The following TSHZ2 variants were observed in gnomAD, a reference collection of about 807,000 sequenced individuals.
TSHZ2 encodes the protein teashirt zinc finger homeobox 2, also known as teashirt homolog 2.
Under a neutral mutation model 74.4 loss-of-function variants are expected in TSHZ2, and 21 were observed. That is an observed-to-expected ratio of 0.28 (90% CI 0.20 to 0.41). The LOEUF (loss-of-function observed/expected upper bound fraction) is 0.41. Among genes scored for constraint, TSHZ2 ranks in the 10% least tolerant of loss-of-function variants. The pLI, the probability that TSHZ2 is intolerant of heterozygous loss-of-function variation, is 1.00. For synonymous variants in TSHZ2, 540 were observed against 515.3 expected (o/e 1.05, Z -0.65); for missense variants, 1,244 against 1,293.5 (o/e 0.96, Z 0.59).
At position 53,254,992 on chromosome 20, in the gene TSHZ2, G is replaced by A. The variant is rs769107602; in HGVS notation, c.1534G>A (p.Gly512Ser). ...REEDLEDGSK[G>S]GGDILKSLEN... ...GGAAGACTTGGAAGATGGCTCAAAG[G>A]GTGGAGGGGACATTTTGAAATCTTT... Residue 512 changes from glycine (G) to serine (S), a missense_variant, in exon 2 of 3, where the codon GGT (glycine) becomes AGT (serine). Around this residue, in one of 6 missense-constraint regions of TSHZ2, gnomAD observed 562 missense variants for 544.0 expected, o/e 1.03. Transcript: ENST00000371497. 5.6e-6 allele frequency: 9 copies of A among 1,614,010 alleles called. No homozygotes were observed. In the African/African-American group the frequency reaches 1.2e-4, roughly 22 times the overall value.
Position 53,256,471 on chromosome 20 carries a change from A to G in TSHZ2, c.3013A>G (p.Ser1005Gly), listed in dbSNP as rs373758284. Residue 1005 changes from serine (S) to glycine (G), a missense_variant, in exon 2 of 3, where the codon AGC (serine) becomes GGC (glycine). Transcript: ENST00000371497. The surrounding 1 kb of genome is among the most constrained non-coding windows in gnomAD (Gnocchi z 4.3). ...KCKLCCRTFV[S>G]KHAVKLHLSK... ...TAAGTTGTGCTGTCGGACATTTGTG[A>G]GCAAACATGCGGTAAAACTCCACCT... 2 of 1,614,006 alleles carry G rather than the reference A, an allele frequency of 1.2e-6. No homozygotes were observed. Among genetic ancestry groups the G allele is most frequent in the Non-Finnish European group, 1.7e-6 (2 of 1,179,948 alleles).
At chr20:53,182,371 C>T (rs1300753574) in intron 1 of TSHZ2, among the ~76,000 whole-genome samples, 1 of 152,086 alleles carries the variant, frequency 6.6e-6, no homozygotes, top group East Asian at 1.9e-4. Context: ...GTCATTCATT[C>T]ATTTGTTCAT....
chr20:53,446,138 G>A (rs1984533666), intron 2 of TSHZ2, among the ~76,000 whole-genome samples: 1 of 152,176 alleles, frequency 6.6e-6, no homozygotes, highest in Non-Finnish European at 1.5e-5. Context: ...CCAAGCAGAT[G>A]TGATGCAGGC....
At chr20:53,245,469 A>C (rs746591622) in intron 1 of TSHZ2, among the ~76,000 whole-genome samples, 14 of 152,224 alleles carry the variant, frequency 9.2e-5, no homozygotes, top group Admixed American at 1.3e-4. Flanking sequence ...GAAAGTCCTC[A>C]AAGTTGTATG....
intron 2 of TSHZ2, among the ~76,000 whole-genome samples, chr20:53,266,617 A>G (rs1419547968): frequency 6.6e-6 from 1 of 152,148 alleles, no homozygotes; most frequent in Admixed American, 6.5e-5. Context: ...GGCTATAATA[A>G]TAGTTAATTG....
In TSHZ2 at chr20:53,096,119, C is replaced by G. The variant is rs184164613; in HGVS notation, c.40+122786C>G. 2.7e-3 allele frequency among the ~76,000 whole-genome samples: 413 copies of G among 152,192 alleles called. 3 individuals are homozygous for G. Among genetic ancestry groups the G allele is most frequent in the Admixed American group, 3.9e-3 (60 of 15,282 alleles). On this transcript the variant is annotated intron_variant, in intron 1 of 2. Transcript: ENST00000371497. ...GGTCTCCCTCCTGTTAACACTAACACCTCTGTGTTTTTTGTTTGTCTGTTT... is the reference window on the plus strand; with the variant it reads ...GGTCTCCCTCCTGTTAACACTAACAGCTCTGTGTTTTTTGTTTGTCTGTTT...
intron 2 of TSHZ2, among the ~76,000 whole-genome samples, chr20:53,411,596 AAT>A (rs1983057123): frequency 6.6e-6 from 1 of 152,160 alleles, no homozygotes; most frequent in African/African-American, 2.4e-5. Flanking sequence ...CGAGAGGCTA[AAT>A]TGGGAGGACT....
chr20:53,212,556 C>T (rs1045755875), intron 1 of TSHZ2, among the ~76,000 whole-genome samples: 1 of 152,092 alleles, frequency 6.6e-6, no homozygotes, highest in African/African-American at 2.4e-5. Flanking sequence ...GGAGGGATAT[C>T]GTTTATATAA....
intron 1 of TSHZ2, among the ~76,000 whole-genome samples, chr20:53,208,107 T>C (rs1989216234): frequency 6.6e-6 from 1 of 152,184 alleles, no homozygotes; most frequent in African/African-American, 2.4e-5. Context: ...GGCATGACAG[T>C]TCTACCACCA....
chr20:53,370,313 C>A (rs2145620940), intron 2 of TSHZ2, among the ~76,000 whole-genome samples: 1 of 152,286 alleles, frequency 6.6e-6, no homozygotes, highest in Non-Finnish European at 1.5e-5. Context: ...CTGCTCTGGG[C>A]AGGCTCTTTG....
chr20:53,064,689 A>AACAC (rs111943855), intron 1 of TSHZ2, among the ~76,000 whole-genome samples: 1,859 of 150,712 alleles, frequency 0.012, 43 homozygotes, highest in African/African-American at 0.042. Flanking sequence ...TAGACAGAGA[A>AACAC]ACACACACAC....
intron 2 of TSHZ2, among the ~76,000 whole-genome samples, chr20:53,283,714 T>C (rs1991108850): frequency 6.6e-6 from 1 of 152,266 alleles, no homozygotes; most frequent in Non-Finnish European, 1.5e-5. Context: ...GATTTTCTTA[T>C]TCCTATTTTA....
intron 2 of TSHZ2, among the ~76,000 whole-genome samples, chr20:53,478,106 A>T (rs963481217): frequency 4.7e-5 from 7 of 147,912 alleles, no homozygotes; most frequent in Admixed American, 3.4e-4. Context: ...CAGTGTGGCG[A>T]TTCCTCAGGG....
At chr20:53,086,248 T>C (rs1985696661) in intron 1 of TSHZ2, among the ~76,000 whole-genome samples, 1 of 151,982 alleles carries the variant, frequency 6.6e-6, no homozygotes, top group African/African-American at 2.4e-5. Flanking sequence ...GATGCAAAGG[T>C]GGGGTTGAGT....
intron 2 of TSHZ2, among the ~76,000 whole-genome samples, chr20:53,449,461 A>T (rs1304072654): frequency 6.6e-6 from 1 of 152,276 alleles, no homozygotes; most frequent in Non-Finnish European, 1.5e-5. Flanking sequence ...AAGGCTGTCA[A>T]CAGTGACTGA....
chr20:53,138,940 C>T (rs1408344495), intron 1 of TSHZ2, among the ~76,000 whole-genome samples: 1 of 152,212 alleles, frequency 6.6e-6, no homozygotes, highest in African/African-American at 2.4e-5. Flanking sequence ...TGAATCAAGG[C>T]AGATTCAAGG....
chr20:53,156,852 G>A (rs1447819206), intron 1 of TSHZ2, among the ~76,000 whole-genome samples: 2 of 152,208 alleles, frequency 1.3e-5, no homozygotes, highest in East Asian at 1.9e-4. Context: ...CGTTTCTGTA[G>A]GTAGGGGGAA....
Position 53,382,541 on chromosome 20 carries a change from A to G in TSHZ2, c.*9-104603A>G, listed in dbSNP as rs192933172. ...AACACAGAGTGAAAACAGGGACCCA[A>G]AGAGAGCACAGAGCAGCTGCAATGG... On this transcript the variant is annotated intron_variant, in intron 2 of 2. Coordinates refer to ENST00000371497, the MANE Select transcript of TSHZ2 (RefSeq NM_173485.6). 2.4e-3 allele frequency among the ~76,000 whole-genome samples: 360 copies of G among 152,312 alleles called. 3 individuals carry two copies. The highest frequency in any genetic ancestry group is 8.2e-3 in the African/African-American group (340 of 41,574).
At chr20:53,122,628 G>C (rs924029932) in intron 1 of TSHZ2, among the ~76,000 whole-genome samples, 1 of 152,130 alleles carries the variant, frequency 6.6e-6, no homozygotes, top group African/African-American at 2.4e-5. Context: ...GTTGGGTTAC[G>C]GGGAGACGTT....
Sources: gnomAD v4.1 joint callset for allele counts (sites outside exome capture counted in the v4.1 genomes callset) on GRCh38, gnomAD v4.1.1 for gene constraint, gnomAD v4.1.1 regional missense constraint, Gnocchi (gnomAD v3.1) non-coding constraint, MANE v1.5 for transcripts, NCBI Gene and HGNC (gene_info 2026-07-23, HGNC 2026-07-21) for gene names.